DNAH11: variants seen among roughly 807,000 people sequenced by gnomAD.
DNAH11 encodes the protein dynein axonemal heavy chain 11.
Under a neutral mutation model 526.0 loss-of-function variants are expected in DNAH11, and 442 were observed. The observed-to-expected ratio is 0.84, with a 90% CI of 0.78 to 0.91. The LOEUF (loss-of-function observed/expected upper bound fraction) is 0.91. Ranked by LOEUF, DNAH11 falls within the 40% of genes least tolerant of loss-of-function variation. DNAH11 has a pLI of 0.00. For missense variants in DNAH11, 6,989 were observed against 5,448.7 expected, an observed-to-expected ratio of 1.28 and a Z score of -8.90; for synonymous variants, 2,461 against 1,935.9, an observed-to-expected ratio of 1.27 and a Z score of -7.12.
intron 41 of DNAH11, 88 bp from the exon 42 acceptor site, chr7:21,711,624 A>T: frequency 6.6e-7 from 1 of 1,526,548 alleles, no homozygotes. Flanking sequence ...ACAGCCTGTG[A>T]TACTTCTGGT....
chr7:21,844,521 C>G (rs148902108), intron 66 of DNAH11, among the ~76,000 whole-genome samples: 2 of 152,306 alleles, frequency 1.3e-5, no homozygotes, highest in African/African-American at 4.8e-5. Flanking sequence ...TGAGTAGTTG[C>G]AACAGATACC....
At chr7:21,781,541 C>T (rs1005415213) in intron 57 of DNAH11, among the ~76,000 whole-genome samples, 4 of 152,184 alleles carry the variant, frequency 2.6e-5, no homozygotes, top group Admixed American at 1.3e-4. Context: ...AGAGTGTAAA[C>T]CTTTATGAGT....
At chr7:21,793,489 C>A (rs934479825) in intron 61 of DNAH11, among the ~76,000 whole-genome samples, 1 of 151,944 alleles carries the variant, frequency 6.6e-6, no homozygotes, top group Admixed American at 6.6e-5. Context: ...GGTGGCACGC[C>A]CTTGTAGTCC....
chr7:21,619,408 G>A (rs543670366), intron 24 of DNAH11, among the ~76,000 whole-genome samples, 186 bp downstream of exon 24: 1 of 152,270 alleles, frequency 6.6e-6, no homozygotes, highest in African/African-American at 2.4e-5. Context: ...AGTAAAACAG[G>A]AGGATTGGTC....
intron 63 of DNAH11, among the ~76,000 whole-genome samples, chr7:21,814,787 A>G (rs901106166): frequency 6.6e-6 from 1 of 152,040 alleles, no homozygotes; most frequent in Admixed American, 6.6e-5. Flanking sequence ...GCTTGCCTGT[A>G]TATGAAATGA....
At chr7:21,552,612 A>G (rs192247607) in intron 2 of DNAH11, among the ~76,000 whole-genome samples, 9 of 152,318 alleles carry the variant, frequency 5.9e-5, no homozygotes, top group African/African-American at 1.9e-4. Flanking sequence ...TATTATAACA[A>G]CTGGGTTCCC....
intron 77 of DNAH11, among the ~76,000 whole-genome samples, chr7:21,893,302 G>A (rs542119325): frequency 6.6e-6 from 1 of 152,330 alleles, no homozygotes; most frequent in South Asian, 2.1e-4. Context: ...CCCACCAGCA[G>A]TGCGTGTGAG....
Position 21,750,376 on chromosome 7 carries a change from T to A in DNAH11, c.8940+12T>A. The A allele has an allele frequency of 1.3e-6, 2 of 1,589,202 alleles. No homozygotes were observed. Among genetic ancestry groups the A allele is most frequent in the Non-Finnish European group, 1.7e-6 (2 of 1,167,726 alleles). On this transcript the variant is annotated intron_variant, in intron 54 of 81. Transcript: ENST00000409508. ...GACTACAGCTCAAAGTAAGAAATACTTGCTTAATTTGCATGTTAGTTAAAA... is the reference window on the plus strand; with the variant it reads ...GACTACAGCTCAAAGTAAGAAATACATGCTTAATTTGCATGTTAGTTAAAA...
At position 21,581,829 on chromosome 7, in the gene DNAH11, G is replaced by C. The variant is rs571586536; in HGVS notation, c.1594-76G>C. 115 of 873,130 alleles carry C rather than the reference G, an allele frequency of 1.3e-4. No individual in the cohort carries two copies. In the East Asian group the frequency reaches 2.7e-3, roughly 21 times the overall value. The allele number at this position is 873,130 out of a possible 1,614,324, so 54.1% of individuals were successfully genotyped here. ...AGCGAGCGAGAGAGAGCTAAAGTAA[G>C]GTCACGCTTGTGTGATTGCTATTTT... is the stretch of plus-strand genomic sequence containing the variant. On this transcript the variant is annotated intron_variant, in intron 8 of 81. Transcript: ENST00000409508.
chr7:21,859,258 C>T (rs974087694), intron 68 of DNAH11, among the ~76,000 whole-genome samples: 27 of 152,154 alleles, frequency 1.8e-4, no homozygotes, highest in Admixed American at 1.2e-3. Flanking sequence ...GGACTACAGG[C>T]ACCCACCACC....
chr7:21,744,099 G>T (rs1343712576), intron 49 of DNAH11, among the ~76,000 whole-genome samples: 1 of 152,132 alleles, frequency 6.6e-6, no homozygotes, highest in East Asian at 1.9e-4. Context: ...ATATGATTCT[G>T]TGACTTTCAT....
chr7:21,790,802 T>A (rs568363935), intron 61 of DNAH11, among the ~76,000 whole-genome samples: 6 of 152,292 alleles, frequency 3.9e-5, no homozygotes, highest in African/African-American at 1.4e-4. Flanking sequence ...TATGAGGGAA[T>A]CATGAACAGG....
chr7:21,864,107 C>G (rs1449470705), intron 69 of DNAH11, among the ~76,000 whole-genome samples: 1 of 152,122 alleles, frequency 6.6e-6, no homozygotes, highest in Non-Finnish European at 1.5e-5. Flanking sequence ...CCTTCATGTA[C>G]CTTGTAGTTT....
chr7:21,771,850 AC>A (rs1406174890), intron 55 of DNAH11, among the ~76,000 whole-genome samples: 1 of 132,264 alleles, frequency 7.6e-6, no homozygotes, highest in Non-Finnish European at 1.8e-5. Context: ...AACGCCCCCC[AC>A]AAAAAAAAAT....
At chr7:21,579,920 G>A (rs73682641) in intron 8 of DNAH11, among the ~76,000 whole-genome samples, 205 of 152,274 alleles carry the variant, frequency 1.3e-3, no homozygotes, top group African/African-American at 4.6e-3. Context: ...TGGAGATGGA[G>A]GATAGTAGAG....
At chr7:21,726,216 G>T (rs1785099193) in intron 45 of DNAH11, among the ~76,000 whole-genome samples, 2 of 152,030 alleles carry the variant, frequency 1.3e-5, no homozygotes, top group Admixed American at 1.3e-4. Context: ...AGAGAGTGAG[G>T]GGGGAGGTGC....
chr7:21,714,052 T>C (rs1784558375), intron 42 of DNAH11, among the ~76,000 whole-genome samples: 2 of 152,170 alleles, frequency 1.3e-5, no homozygotes, highest in Non-Finnish European at 2.9e-5. Flanking sequence ...CTGGGTGTGC[T>C]CTGATTTCAG....
At chr7:21,829,316 A>G (rs1790447543) in intron 65 of DNAH11, among the ~76,000 whole-genome samples, 1 of 150,644 alleles carries the variant, frequency 6.6e-6, no homozygotes, top group Non-Finnish European at 1.5e-5. Context: ...AATGCCTCTG[A>G]TGAAGCCTCC....
At chr7:21,702,397 C>T (rs1445123982) in intron 36 of DNAH11, among the ~76,000 whole-genome samples, 1 of 151,772 alleles carries the variant, frequency 6.6e-6, no homozygotes, top group East Asian at 1.9e-4. Flanking sequence ...ATTTGCTGAG[C>T]TACTGAGTTA....
Sources: allele counts gnomAD v4.1 joint callset (sites outside exome capture counted in the v4.1 genomes callset), GRCh38; gene constraint gnomAD v4.1.1; transcripts MANE v1.5; gene names NCBI Gene and HGNC (gene_info 2026-07-23, HGNC 2026-07-21).